Variants in NOX4 observed in about 807,000 individuals in gnomAD.
NOX4 encodes the protein kidney oxidase-1.
A neutral mutation model predicts 87.6 loss-of-function variants in NOX4; 69 were observed. The observed-to-expected ratio is 0.79, with a 90% CI of 0.65 to 0.96. The LOEUF is 0.96. Among genes scored for constraint, NOX4 ranks in the 40% least tolerant of loss-of-function variants. NOX4 has a pLI of 0.00. For synonymous variants in NOX4, 275 were observed against 238.2 expected (o/e 1.15, Z -1.42); for missense variants, 680 against 681.5 (o/e 1.00, Z 0.02).
chr11:89,433,682 A>C (rs1342915798), intron 6 of NOX4, among the ~76,000 whole-genome samples: 1 of 152,142 alleles, frequency 6.6e-6, no homozygotes, highest in Non-Finnish European at 1.5e-5. Flanking sequence ...TGTTTTAAAA[A>C]TACTTGCAGA....
chr11:89,430,690 C>T (rs1943729739), intron 7 of NOX4, among the ~76,000 whole-genome samples: 2 of 151,936 alleles, frequency 1.3e-5, no homozygotes, highest in Non-Finnish European at 2.9e-5. Context: ...TACCACTGCT[C>T]AACGAAATAA....
At chr11:89,558,581 G>A in the NOX4 span, among the ~76,000 whole-genome samples, 1 of 152,130 alleles carries the variant, frequency 6.6e-6, no homozygotes, top group South Asian at 2.1e-4. Context: ...AGGCTTAGTA[G>A]TACCCCAGAA....
chr11:89,580,326 A>G, the NOX4 span, among the ~76,000 whole-genome samples: 1 of 152,024 alleles, frequency 6.6e-6, no homozygotes, highest in African/African-American at 2.4e-5. Context: ...CTGGGACTAC[A>G]GGTGCGCACC....
chr11:89,359,161 G>A (rs1444639452), intron 12 of NOX4, among the ~76,000 whole-genome samples: 1 of 151,968 alleles, frequency 6.6e-6, no homozygotes, highest in Non-Finnish European at 1.5e-5. Context: ...GCATTCTCTG[G>A]TTAATCAACT....
Position 89,354,963 on chromosome 11 carries a change from T to C in NOX4, c.1216A>G (p.Lys406Glu), listed in dbSNP as rs1181358658. ...LPFIQSRNYP[K>E]LYIDGPFGSP... is the part of the protein sequence containing the mutation. ...ACCCAGTGAACTCCTTTTGCTTACT[T>C]GGGATAATTTCTAGATTGAATGAAG... The change falls in exon 13 of 18, where the codon AAG becomes GAG. Residue 406 changes from lysine (K) to glutamate (E), a missense_variant and splice_region_variant. By Grantham distance (56) the Lys-to-Glu change is moderately conservative (BLOSUM62 1). Coordinates refer to ENST00000263317, the MANE Select transcript of NOX4 (RefSeq NM_016931.5). 1.3e-5 allele frequency: 20 copies of C among 1,579,466 alleles called. No individual in the cohort carries two copies. Among genetic ancestry groups the C allele is most frequent in the Non-Finnish European group, 1.7e-5 (20 of 1,151,808 alleles).
rs112747914 is a variant in NOX4 at position 89,430,442 on chromosome 11, C to T, written c.548+2342G>A. On this transcript the variant is annotated intron_variant, in intron 7 of 17. Transcript: ENST00000263317. Reference sequence around the variant, plus strand: ...CCTGTTTGCAGATGAAAGGATTGTACATTTAGAAAACCCTATCATCTCAGC... The same window carrying T: ...CCTGTTTGCAGATGAAAGGATTGTATATTTAGAAAACCCTATCATCTCAGC... 9.1e-4 allele frequency among the ~76,000 whole-genome samples: 139 copies of T among 152,144 alleles called. 1 individual carries two copies. Among genetic ancestry groups the T allele is most frequent in the African/African-American group, 2.9e-3 (120 of 41,538 alleles).
chr11:89,501,538 C>A (rs559785088), upstream of NOX4, among the ~76,000 whole-genome samples: 13 of 152,078 alleles, frequency 8.5e-5, no homozygotes, highest in African/African-American at 3.1e-4. Flanking sequence ...TGATTGGAAG[C>A]AAATAAGCAA....
intron 7 of NOX4, among the ~76,000 whole-genome samples, chr11:89,423,211 T>A (rs1325041241): frequency 6.6e-6 from 1 of 152,156 alleles, no homozygotes. Flanking sequence ...ATGTATTTAT[T>A]AATTACAAAC....
rs1406057810 is a variant in NOX4, at chr11:89,342,163, T to A, written c.1248A>T (p.Pro416=). The change falls in exon 14 of 18, where the codon CCA becomes CCT. Residue 416 remains proline, a synonymous_variant. Coordinates refer to ENST00000263317, the MANE Select transcript of NOX4 (RefSeq NM_016931.5). ...CCTCATAGTTCAGTGATTCCTCAAA[T>A]GGACTTCCAAAAGGACCATCAATAT... ...KLYIDGPFGS[P]FEESLNYEVS... is the part of the protein sequence containing the mutation. The A allele has an allele frequency of 6.2e-7, 1 of 1,613,256 alleles. No homozygotes were observed. Among genetic ancestry groups the A allele is most frequent in the South Asian group, 1.1e-5 (1 of 91,046 alleles).
the NOX4 span, among the ~76,000 whole-genome samples, chr11:89,561,954 G>A: frequency 6.6e-6 from 1 of 152,146 alleles, no homozygotes; most frequent in Non-Finnish European, 1.5e-5. Flanking sequence ...CCCTGTAGAT[G>A]TTTGAGGAAA....
At chr11:89,440,822 T>C in intron 5 of NOX4, 107 bp from the exon 6 acceptor site, 1 of 558,296 alleles carries the variant, frequency 1.8e-6, no homozygotes, top group Non-Finnish European at 3.1e-6. Flanking sequence ...TCATGTAAAA[T>C]ACTGTTCATC....
chr11:89,484,910 G>A (rs1336675776), intron 2 of NOX4, among the ~76,000 whole-genome samples: 1 of 152,106 alleles, frequency 6.6e-6, no homozygotes, highest in Non-Finnish European at 1.5e-5. Flanking sequence ...TTTACAGTCT[G>A]TATAATTAGG....
At chr11:89,499,306 G>A (rs1365385186), upstream of NOX4, 1 of 152,002 alleles carries the variant, frequency 6.6e-6, no homozygotes, top group Non-Finnish European at 1.5e-5. Flanking sequence ...ATAAATCCTG[G>A]CACATAGTAA....
At chr11:89,427,510 G>A (rs1178892789) in intron 7 of NOX4, among the ~76,000 whole-genome samples, 7 of 152,150 alleles carry the variant, frequency 4.6e-5, no homozygotes, top group Non-Finnish European at 1.0e-4. Flanking sequence ...AGAATAACCA[G>A]TGTAGAGAAG....
At chr11:89,484,570 A>G (rs969253001) in intron 2 of NOX4, among the ~76,000 whole-genome samples, 2 of 152,108 alleles carry the variant, frequency 1.3e-5, no homozygotes, top group Admixed American at 1.3e-4. Context: ...AGAACAATAG[A>G]CTAAATAGTG....
At chr11:89,560,698 C>T in the NOX4 span, among the ~76,000 whole-genome samples, 1 of 151,766 alleles carries the variant, frequency 6.6e-6, no homozygotes, top group Non-Finnish European at 1.5e-5. Flanking sequence ...TTCTTTCTCT[C>T]TCTCTTCTGG....
intron 12 of NOX4, among the ~76,000 whole-genome samples, chr11:89,367,207 T>C (rs971204794): frequency 6.6e-6 from 1 of 152,134 alleles, no homozygotes; most frequent in African/African-American, 2.4e-5. Context: ...ATACAATAGG[T>C]TAATCCTCAT....
At chr11:89,475,358 C>A (rs1053876532) in intron 2 of NOX4, among the ~76,000 whole-genome samples, 1 of 151,816 alleles carries the variant, frequency 6.6e-6, no homozygotes, top group African/African-American at 2.4e-5. Flanking sequence ...TAAGGTAGGG[C>A]AAGTCTTAAA....
the NOX4 span, among the ~76,000 whole-genome samples, chr11:89,570,160 A>T: frequency 6.6e-6 from 1 of 152,262 alleles, no homozygotes; most frequent in Non-Finnish European, 1.5e-5. Flanking sequence ...GTACCATGGA[A>T]TATTACGCAG....
Sources: gnomAD v4.1 joint callset for allele counts (sites outside exome capture counted in the v4.1 genomes callset) on GRCh38, gnomAD v4.1.1 for gene constraint, MANE v1.5 for transcripts, NCBI Gene and HGNC (gene_info 2026-07-23, HGNC 2026-07-21) for gene names.